Variants in WARS1 observed in about 807,000 individuals in gnomAD.
WARS1 encodes the protein tryptophan--tRNA ligase, cytoplasmic.
WARS1 carries 17 observed loss-of-function variants against 47.8 expected under a neutral mutation model. That is an observed-to-expected ratio of 0.36 (90% CI 0.24 to 0.53). The LOEUF is 0.53. Among genes scored for constraint, WARS1 ranks in the 20% least tolerant of loss-of-function variants. The pLI is 0.91. For synonymous variants in WARS1, 208 were observed against 228.1 expected, an observed-to-expected ratio of 0.91 and a Z score of 0.79; for missense variants, 434 against 608.0, an observed-to-expected ratio of 0.71 and a Z score of 3.01.
chr14:100,337,322 A>G, intron 9 of WARS1, 120 bp from the exon 10 acceptor site: 1 of 1,455,536 alleles, frequency 6.9e-7, no homozygotes, highest in Non-Finnish European at 9.3e-7. Context: ...TGGACCCGGG[A>G]AAGGCCAAGG....
chr14:100,369,265 TG>T lies in WARS1; in HGVS notation c.-73-8del, dbSNP rs1318267250. 8.1e-6 allele frequency: 1 copy of T among 123,848 alleles called. No homozygotes were observed. Among genetic ancestry groups the T allele is most frequent in the Non-Finnish European group, 1.6e-5 (1 of 63,394 alleles). 7.7% of individuals were successfully genotyped at this position (123,848 alleles called of 1,614,324 possible). A position where few individuals can be genotyped will look rare whatever the true frequency, so the allele number is the denominator to read the frequency against. On this transcript the variant is annotated splice_region_variant and splice_polypyrimidine_tract_variant and intron_variant, in intron 1 of 10. Coordinates refer to ENST00000392882, the MANE Select transcript of WARS1 (RefSeq NM_004184.4). ...TTCAGCAGACGAGTCAAGACTGGGG[TG>T]GGGGCGGGGAAGGAGAGAGAGGAAA...
chr14:100,360,700 G>A, intron 3 of WARS1, 38 bp from the exon 4 acceptor site: 2 of 1,468,008 alleles, frequency 1.4e-6, no homozygotes, highest in South Asian at 1.1e-5. Flanking sequence ...TAGGTGGCAG[G>A]AGGTTTAGTG....
chr14:100,353,516 G>A (rs1895128087), intron 6 of WARS1, among the ~76,000 whole-genome samples, 171 bp downstream of exon 6: 1 of 152,176 alleles, frequency 6.6e-6, no homozygotes, highest in African/African-American at 2.4e-5. Context: ...CCAAAGTGCT[G>A]GGATTACAGG....
intron 6 of WARS1, among the ~76,000 whole-genome samples, chr14:100,350,336 A>G (rs1316436309): frequency 6.8e-6 from 1 of 146,072 alleles, no homozygotes; most frequent in Non-Finnish European, 1.5e-5. Flanking sequence ...ATATTGCAGT[A>G]AGCCGAGATC....
At chr14:100,353,989 T>C in intron 5 of WARS1, 120 bp from the exon 6 acceptor site, 2 of 872,314 alleles carry the variant, frequency 2.3e-6, no homozygotes, top group Non-Finnish European at 3.5e-6. Flanking sequence ...GCCTACAAAA[T>C]CACAATTTGA....
In WARS1 at chr14:100,334,217, GGTCTGGAGTTCA is replaced by G. The variant is rs1161509555; in HGVS notation, c.*646_*657del. On this transcript the variant is annotated 3_prime_UTR_variant, in exon 11 of 11. Coordinates refer to ENST00000392882, the MANE Select transcript of WARS1 (RefSeq NM_004184.4). The stretch of plus-strand genomic sequence containing the variant: ...GATTTCTGGAGTGGACTACATGCAT[GGTCTGGAGTTCA>G]GTAAACTGGAAAGTTTCACCCCCAA... 2 of 152,586 alleles carry G rather than the reference GGTCTGGAGTTCA, an allele frequency of 1.3e-5. No homozygotes were observed. Among genetic ancestry groups the G allele is most frequent in the Non-Finnish European group, 2.9e-5 (2 of 68,052 alleles). The allele number at this position is 152,586 out of a possible 1,614,324, so 9.5% of individuals were successfully genotyped here.
chr14:100,342,385 G>T lies in WARS1; in HGVS notation c.1113+13C>A, dbSNP rs760441333. The T allele has an allele frequency of 1.2e-6, 2 of 1,613,264 alleles. No individual in the cohort carries two copies. Among genetic ancestry groups the T allele is most frequent in the Non-Finnish European group, 1.7e-6 (2 of 1,179,624 alleles). Reference sequence around the variant, plus strand: ...GATCCCGCTGGCTGCCCTCTGCCTGGGCCACTGCTCACCTTGGTTTTGATC... The same window carrying T: ...GATCCCGCTGGCTGCCCTCTGCCTGTGCCACTGCTCACCTTGGTTTTGATC... On this transcript the variant is annotated intron_variant, in intron 9 of 10. Transcript: ENST00000392882.
chr14:100,335,123 C>T (rs1376144562), intron 10 of WARS1, 87 bp from the exon 11 acceptor site: 1 of 1,398,160 alleles, frequency 7.2e-7, no homozygotes, highest in Admixed American at 2.0e-5. Flanking sequence ...TCAGCCCACA[C>T]CACCCATGCA....
At chr14:100,346,940 G>C in intron 6 of WARS1, 94 bp from the exon 7 acceptor site, 6 of 1,115,332 alleles carry the variant, frequency 5.4e-6, no homozygotes, top group Non-Finnish European at 8.1e-6. Context: ...ATGAGTAGTG[G>C]CATGGGCCAG....
intron 10 of WARS1, chr14:100,336,771 T>C: frequency 3.4e-6 from 1 of 295,206 alleles, no homozygotes; most frequent in Non-Finnish European, 6.4e-6. Context: ...TATACTCAAC[T>C]GTCTTAGCTT....
intron 2 of WARS1, 38 bp from the exon 3 acceptor site, chr14:100,361,959 C>T (rs1895690341): frequency 6.2e-7 from 1 of 1,601,922 alleles, no homozygotes; most frequent in Non-Finnish European, 8.5e-7. Context: ...AAAAGTATTA[C>T]TAATAGCTGA....
In WARS1 at chr14:100,334,926, C is replaced by T. The variant is rs776589951; in HGVS notation, c.1365G>A (p.Glu455=). ...GGGGAGTCATGAACTCTTTCACTAT[C>T]TCATCCGTGACCTCCTTGCGCCGGG... ...HQARRKEVTD[E]IVKEFMTPRK... Residue 455 remains glutamate, a synonymous_variant, in exon 11 of 11, where the codon GAG becomes GAA. Coordinates refer to ENST00000392882, the MANE Select transcript of WARS1 (RefSeq NM_004184.4). 1.7e-5 allele frequency: 28 copies of T among 1,614,048 alleles called. No homozygotes were observed. Among genetic ancestry groups the T allele is most frequent in the Non-Finnish European group, 2.2e-5 (26 of 1,180,040 alleles).
At chr14:100,360,200 A>C (rs565207822) in intron 4 of WARS1, among the ~76,000 whole-genome samples, 2 of 152,336 alleles carry the variant, frequency 1.3e-5, no homozygotes, top group South Asian at 4.1e-4. Flanking sequence ...CAGGAAGCCT[A>C]CTGTTTGTCA....
At chr14:100,361,152 G>C (rs761629643) in intron 3 of WARS1, among the ~76,000 whole-genome samples, 19 of 152,200 alleles carry the variant, frequency 1.2e-4, no homozygotes, top group Non-Finnish European at 2.4e-4. Flanking sequence ...AAATGGCTTT[G>C]ACTTAGATGA....
intron 9 of WARS1, among the ~76,000 whole-genome samples, chr14:100,337,640 C>T (rs1002866501): frequency 6.9e-6 from 1 of 144,174 alleles, no homozygotes; most frequent in African/African-American, 2.6e-5. Context: ...CGATTGAGGC[C>T]AGGAGGTCAA....
chr14:100,336,655 C>T (rs1437470058), intron 10 of WARS1, among the ~76,000 whole-genome samples: 1 of 152,210 alleles, frequency 6.6e-6, no homozygotes, highest in Non-Finnish European at 1.5e-5. Context: ...AAACTGCTTC[C>T]TGAGGCTGTG....
chr14:100,369,248 A>ATC lies in WARS1; in HGVS notation c.-64_-63insGA. ...TGAGGTCAGAGGATTTGTTCAGCAGACGAGTCAAGACTGGGGTGGGGGCGG... is the reference window on the plus strand; with the variant it reads ...TGAGGTCAGAGGATTTGTTCAGCAGATCCGAGTCAAGACTGGGGTGGGGGCGG... On this transcript the variant is annotated 5_prime_UTR_variant, in exon 2 of 11. Transcript: ENST00000392882. 1 of 643,122 alleles carries ATC rather than the reference A, an allele frequency of 1.6e-6. No homozygotes were observed. The highest frequency in any genetic ancestry group is 3.8e-5 in the South Asian group (1 of 26,134). The allele number at this position is 643,122 out of a possible 1,614,324, so 39.8% of individuals were successfully genotyped here.
intron 6 of WARS1, among the ~76,000 whole-genome samples, chr14:100,351,759 C>T (rs1188493243): frequency 1.3e-5 from 2 of 151,906 alleles, no homozygotes; most frequent in Admixed American, 6.6e-5. Context: ...TTTGGGAGGC[C>T]GAGGCAGGCA....
rs1333857423 is a variant in WARS1, at chr14:100,342,421, T to C, written c.1090A>G (p.Thr364Ala). 2.5e-6 allele frequency: 4 copies of C among 1,614,034 alleles called. No individual in the cohort carries two copies. The highest frequency in any genetic ancestry group is 1.1e-5 in the South Asian group (1 of 91,072). Residue 364 changes from threonine to alanine, a missense_variant, in exon 9 of 11, where the codon ACG (threonine) becomes GCG (alanine). Transcript: ENST00000392882. ...DPNSSIFLTD[T>A]AKQIKTKVNK... Reference sequence around the variant, plus strand: ...ACCTTGGTTTTGATCTGCTTGGCCGTGTCGGTGAGGAAGATGGAGGAGTTG... The same window carrying C: ...ACCTTGGTTTTGATCTGCTTGGCCGCGTCGGTGAGGAAGATGGAGGAGTTG...
Sources: allele counts gnomAD v4.1 joint callset (sites outside exome capture counted in the v4.1 genomes callset), GRCh38; gene constraint gnomAD v4.1.1; transcripts MANE v1.5; gene names NCBI Gene and HGNC (gene_info 2026-07-23, HGNC 2026-07-21).